The following UCHL5 variants were observed in gnomAD, a reference collection of about 807,000 sequenced individuals.
UCHL5 encodes the protein ubiquitin C-terminal hydrolase L5, also known as ubiquitin carboxyl-terminal hydrolase isozyme L5.
In UCHL5, 34 loss-of-function variants were observed where a neutral mutation model predicts 53.8. The ratio of observed to expected loss-of-function variants is 0.63; its 90% confidence interval spans 0.48 to 0.84. UCHL5 has a LOEUF of 0.84. Among genes scored for constraint, UCHL5 ranks in the 40% least tolerant of loss-of-function variants. UCHL5 has a pLI of 0.00. For missense variants in UCHL5, 290 were observed against 385.6 expected (o/e 0.75, Z 2.08); for synonymous variants, 111 against 126.3 (o/e 0.88, Z 0.81).
Position 193,022,966 on chromosome 1 carries a change from A to G in UCHL5, c.803T>C (p.Met268Thr), listed in dbSNP as rs1376309370. ...TTTCTGTACTTCTTCTTCAATAAGC[A>G]TCTGATTTTTGGCAACTTCTGACTG... ...AIQSEVAKNQ[M>T]LIEEEVQKLK... The change falls in exon 9 of 11, where the codon ATG becomes ACG. Residue 268 changes from methionine (M) to threonine (T), a missense_variant. Met to Thr is a moderately conservative substitution (Grantham distance 81). Coordinates refer to ENST00000367454, the MANE Select transcript of UCHL5 (RefSeq NM_001199261.3). 1.2e-6 allele frequency: 2 copies of G among 1,613,080 alleles called. No individual in the cohort carries two copies. Among genetic ancestry groups the G allele is most frequent in the Admixed American group, 3.3e-5 (2 of 59,984 alleles).
chr1:193,034,324 G>A (rs183294668), intron 3 of UCHL5, among the ~76,000 whole-genome samples: 105 of 151,672 alleles, frequency 6.9e-4, no homozygotes, highest in African/African-American at 2.2e-3. Context: ...AATAACAACC[G>A]TATGAAATGA....
Position 193,023,777 on chromosome 1 carries a change from A to G in UCHL5, c.732+67T>C, listed in dbSNP as rs1419373508. On this transcript the variant is annotated intron_variant, in intron 8 of 10. Transcript: ENST00000367454. ...AGACCACTTGATTATATATATATTT[A>G]AAGTAAATACTTTTCCTGAGAGAAT... 3 of 1,186,608 alleles carry G rather than the reference A, an allele frequency of 2.5e-6. No individual in the cohort carries two copies. In the African/African-American group the frequency reaches 4.7e-5, roughly 19 times the overall value. The allele number at this position is 1,186,608 out of a possible 1,614,324, so 73.5% of individuals were successfully genotyped here. A position where few individuals can be genotyped will look rare whatever the true frequency, so the allele number is the denominator to read the frequency against.
chr1:193,041,622 C>G (rs1309322700), intron 3 of UCHL5, among the ~76,000 whole-genome samples: 1 of 152,158 alleles, frequency 6.6e-6, no homozygotes, highest in Non-Finnish European at 1.5e-5. Context: ...CATTCTACTT[C>G]TAGGTATACA....
In UCHL5 at chr1:193,059,337, C is replaced by G. The variant is rs755209874; in HGVS notation, c.-77G>C. The G allele has an allele frequency of 1.9e-6, 3 of 1,605,910 alleles. No homozygotes were observed. The highest frequency in any genetic ancestry group is 2.2e-5 in the East Asian group (1 of 44,582). Reference sequence around the variant, plus strand: ...GCACCAGCTGCCGCCGGCCACAGATCTCAGCAAACCCGCCGCCGAGCTCGT... The same window carrying G: ...GCACCAGCTGCCGCCGGCCACAGATGTCAGCAAACCCGCCGCCGAGCTCGT... On this transcript the variant is annotated 5_prime_UTR_variant, in exon 1 of 11. Transcript: ENST00000367454. This position sits in a 1 kb window ranked among gnomAD's most constrained non-coding sequence, Gnocchi z 4.9.
In UCHL5 at chr1:193,021,091, A is replaced by T; in HGVS notation, c.942+6T>A. The T allele has an allele frequency of 1.3e-6, 2 of 1,570,290 alleles. No individual in the cohort carries two copies. Among genetic ancestry groups the T allele is most frequent in the Non-Finnish European group, 1.8e-6 (2 of 1,142,814 alleles). ...TAATTTAAGTATCTACCAATAAAAT[A>T]CTTACCTTTTCTACTAGTGGTATTA... On this transcript the variant is annotated splice_donor_region_variant and intron_variant, in intron 10 of 10. Coordinates refer to ENST00000367454, the MANE Select transcript of UCHL5 (RefSeq NM_001199261.3).
chr1:193,028,540 GA>G (rs1459650607), intron 6 of UCHL5, among the ~76,000 whole-genome samples: 4 of 151,950 alleles, frequency 2.6e-5, no homozygotes, highest in Admixed American at 6.6e-5. Flanking sequence ...ATTAAAAAAA[GA>G]AAAAGAAAAT....
rs993811108 is a variant in UCHL5 at position 193,014,381 on chromosome 1, T to C, written c.*1970A>G. 1.5e-4 allele frequency: 23 copies of C among 152,260 alleles called. No individual in the cohort carries two copies. The highest frequency in any genetic ancestry group is 5.5e-4 in the African/African-American group (23 of 41,562). 9.4% of individuals were successfully genotyped at this position (152,260 alleles called of 1,614,324 possible). Reference sequence around the variant, plus strand: ...TTAATAAGAAAAATCCTTATACCTATTAATATAGTCATTTTACAAGGATAT... The same window carrying C: ...TTAATAAGAAAAATCCTTATACCTACTAATATAGTCATTTTACAAGGATAT... On this transcript the variant is annotated 3_prime_UTR_variant, in exon 11 of 11. Transcript: ENST00000367454.
intron 1 of UCHL5, among the ~76,000 whole-genome samples, chr1:193,056,158 T>C (rs1670567150): frequency 6.6e-6 from 1 of 152,156 alleles, no homozygotes; most frequent in Non-Finnish European, 1.5e-5. Context: ...AATTGTCAAA[T>C]TTATTGGCAT....
At chr1:193,027,968 A>T (rs778904619) in intron 7 of UCHL5, 117 bp downstream of exon 7, 2 of 1,527,392 alleles carry the variant, frequency 1.3e-6, no homozygotes, top group Admixed American at 4.7e-5. Context: ...ACGAAAAATT[A>T]AAAAGAAAAA....
At chr1:193,037,948 T>C (rs1411822499) in intron 3 of UCHL5, among the ~76,000 whole-genome samples, 1 of 145,880 alleles carries the variant, frequency 6.9e-6, no homozygotes, top group Non-Finnish European at 1.5e-5. Flanking sequence ...CATCCAGGGA[T>C]GCAAGATGGT....
rs1314163566 is a variant in UCHL5 at position 193,037,076 on chromosome 1, AC to A, written c.247-7420del. On this transcript the variant is annotated intron_variant, in intron 3 of 10. Transcript: ENST00000367454. ...CTCCAAATAAACCACCTAATTATAT[AC>A]CCCAAGGAACTAGAAAAGCAGGAAC... is the stretch of plus-strand genomic sequence containing the variant. Among the ~76,000 whole-genome samples the A allele has an allele frequency of 3.9e-5, 6 of 151,968 alleles. No homozygotes were observed. The East Asian group carries it at 1.2e-3, about 29-fold the overall frequency.
intron 8 of UCHL5, among the ~76,000 whole-genome samples, 158 bp downstream of exon 8, chr1:193,023,686 A>G (rs1658014383): frequency 6.6e-6 from 1 of 152,196 alleles, no homozygotes; most frequent in South Asian, 2.1e-4. Flanking sequence ...TATATCCACT[A>G]AGTGCAAAGC....
chr1:193,045,518 T>C (rs779526426), intron 3 of UCHL5, among the ~76,000 whole-genome samples: 9 of 152,228 alleles, frequency 5.9e-5, no homozygotes, highest in Non-Finnish European at 1.0e-4. Context: ...TGTCTGTTCC[T>C]ACTTTGCCTA....
intron 10 of UCHL5, among the ~76,000 whole-genome samples, chr1:193,017,114 T>C (rs1453600641): frequency 1.3e-5 from 2 of 151,766 alleles, no homozygotes; most frequent in African/African-American, 2.4e-5. Flanking sequence ...AGAGACCCTG[T>C]TAAAATGCAG....
At chr1:193,037,360 C>T (rs1663901925) in intron 3 of UCHL5, among the ~76,000 whole-genome samples, 2 of 151,840 alleles carry the variant, frequency 1.3e-5, no homozygotes, top group South Asian at 4.2e-4. Context: ...TTATGAACAG[C>T]TATATACAAA....
rs1304349083 is a variant in UCHL5 at position 193,029,560 on chromosome 1, T to C, written c.344A>G (p.Lys115Arg). 1 of 1,613,552 alleles carries C rather than the reference T, an allele frequency of 6.2e-7. No individual in the cohort carries two copies. The highest frequency in any genetic ancestry group is 2.2e-5 in the East Asian group (1 of 44,848). ...VHLGETLSEF[K>R]EFSQSFDAAM... is the part of the protein sequence containing the mutation. Reference sequence around the variant, plus strand: ...TGCATCAAAACTTTGTGAAAATTCTTTAAACTCTGATAATGTCTCGCCTAA... The same window carrying C: ...TGCATCAAAACTTTGTGAAAATTCTCTAAACTCTGATAATGTCTCGCCTAA... The change falls in exon 4 of 11, where the codon AAA becomes AGA. Residue 115 changes from lysine (K) to arginine (R), a missense_variant. Physicochemically the swap from Lys to Arg is conservative, Grantham distance 26 (BLOSUM62 2). Coordinates refer to ENST00000367454, the MANE Select transcript of UCHL5 (RefSeq NM_001199261.3).
At chr1:193,058,055 T>C (rs1199007663) in intron 1 of UCHL5, among the ~76,000 whole-genome samples, 1 of 151,712 alleles carries the variant, frequency 6.6e-6, no homozygotes, top group Non-Finnish European at 1.5e-5. Context: ...GGTGAAACCC[T>C]GTCTCTACTA....
intron 3 of UCHL5, among the ~76,000 whole-genome samples, 155 bp from the exon 4 acceptor site, chr1:193,029,812 T>C (rs927561024): frequency 6.6e-6 from 1 of 152,158 alleles, no homozygotes; most frequent in African/African-American, 2.4e-5. Flanking sequence ...TCTATCCTAA[T>C]CTATTTTCAG....
intron 10 of UCHL5, chr1:193,020,142 T>C (rs1656407123): frequency 2.0e-6 from 2 of 984,830 alleles, no homozygotes; most frequent in Admixed American, 6.2e-5. Flanking sequence ...AATTTTTACA[T>C]TTAATGCTAA....
Sources: gnomAD v4.1 joint callset for allele counts (sites outside exome capture counted in the v4.1 genomes callset) on GRCh38, gnomAD v4.1.1 for gene constraint, Gnocchi (gnomAD v3.1) non-coding constraint, MANE v1.5 for transcripts, NCBI Gene and HGNC (gene_info 2026-07-23, HGNC 2026-07-21) for gene names.